Variants in MED26 observed in about 807,000 individuals in gnomAD.
MED26 encodes the protein mediator of RNA polymerase II transcription subunit 26.
In MED26, 7 loss-of-function variants were observed where a neutral mutation model predicts 43.7. That is an observed-to-expected ratio of 0.16 (90% CI 0.09 to 0.30). MED26 has a LOEUF of 0.30. Ranked by LOEUF, MED26 falls within the 10% of genes least tolerant of loss-of-function variation. The pLI is 1.00. For synonymous variants in MED26, 375 were observed against 371.1 expected (o/e 1.01, Z -0.12); for missense variants, 784 against 840.6 (o/e 0.93, Z 0.83).
In MED26 at chr19:16,576,712, G is replaced by A. The variant is rs777654136; in HGVS notation, c.1118C>T (p.Ser373Phe). Residue 373 changes from serine to phenylalanine, a missense_variant, in exon 3 of 3, where the codon TCC (serine) becomes TTC (phenylalanine). Transcript: ENST00000263390. The surrounding 1 kb of genome is among the most constrained non-coding windows in gnomAD (Gnocchi z 6.8). ...AEPLLSRAGF[S>F]PDSSKADSDA... ...ACTGTCCGCCTTGGAGGAGTCTGGG[G>A]AAAAGCCTGCCCGGGACAGGAGGGG... 9 of 1,612,818 alleles carry A rather than the reference G, an allele frequency of 5.6e-6. No individual in the cohort carries two copies. In the Admixed American group the frequency reaches 1.2e-4, roughly 21 times the overall value.
intron 1 of MED26, among the ~76,000 whole-genome samples, chr19:16,609,941 T>TAAAAAAAAAAAAAAAAAAAAAAAAAAAAA (rs869040520): frequency 1.2e-5 from 1 of 84,672 alleles, no homozygotes; most frequent in African/African-American, 4.7e-5. Flanking sequence ...AAGCACTCTT[T>TAAAAAAAAAAAAAAAAAAAAAAAAAAAAA]AAAAAAAAAA....
At position 16,576,259 on chromosome 19, in the gene MED26, C is replaced by T. The variant is rs746368183; in HGVS notation, c.1571G>A (p.Gly524Glu). ...YLKQEESTRQ[G>E]ARQLHVLVPQ... Reference sequence around the variant, plus strand: ...CACCAGCACATGCAGCTGCCTGGCCCCTTGCCGGGTGCTCTCCTCCTGCTT... The same window carrying T: ...CACCAGCACATGCAGCTGCCTGGCCTCTTGCCGGGTGCTCTCCTCCTGCTT... Residue 524 changes from glycine (G) to glutamate (E), a missense_variant, in exon 3 of 3, where the codon GGG becomes GAG. Physicochemically the swap from Gly to Glu is moderately conservative, Grantham distance 98 (BLOSUM62 -2). Coordinates refer to ENST00000263390, the MANE Select transcript of MED26 (RefSeq NM_004831.5). This position sits in a 1 kb window ranked among gnomAD's most constrained non-coding sequence, Gnocchi z 6.8. The T allele has an allele frequency of 1.9e-6, 3 of 1,611,322 alleles. No homozygotes were observed. The South Asian group carries it at 3.3e-5, about 18-fold the overall frequency.
intron 1 of MED26, among the ~76,000 whole-genome samples, chr19:16,602,551 C>G (rs1224124322): frequency 1.3e-5 from 2 of 152,244 alleles, no homozygotes; most frequent in East Asian, 3.8e-4. Context: ...CCCATGTCCA[C>G]AGCAGCATTA....
At chr19:16,625,548 T>C (rs1451965539) in intron 1 of MED26, among the ~76,000 whole-genome samples, 5 of 151,198 alleles carry the variant, frequency 3.3e-5, no homozygotes, top group Non-Finnish European at 7.4e-5. Context: ...CCCCGTTTTT[T>C]TTTTTTTCAT....
intron 1 of MED26, among the ~76,000 whole-genome samples, chr19:16,613,300 T>C (rs184337131): frequency 5.9e-4 from 90 of 152,276 alleles, no homozygotes; most frequent in Non-Finnish European, 1.1e-3. Flanking sequence ...TTGTTAAACC[T>C]ATTCATCAAC....
At chr19:16,609,101 G>C (rs567170095) in intron 1 of MED26, among the ~76,000 whole-genome samples, 1 of 152,108 alleles carries the variant, frequency 6.6e-6, no homozygotes, top group South Asian at 2.1e-4. Flanking sequence ...GGTCACTTGA[G>C]GCCAGGAGTT....
At chr19:16,626,005 T>C (rs1256737466) in intron 1 of MED26, among the ~76,000 whole-genome samples, 3 of 152,202 alleles carry the variant, frequency 2.0e-5, no homozygotes, top group East Asian at 1.9e-4. Context: ...GGGACCTATA[T>C]AGCATTTCTG....
intron 1 of MED26, among the ~76,000 whole-genome samples, chr19:16,619,515 T>C (rs1395351599): frequency 6.6e-6 from 1 of 152,234 alleles, no homozygotes; most frequent in Non-Finnish European, 1.5e-5. Context: ...AAACCCAGTG[T>C]GTGCAGGGGG....
At chr19:16,605,015 G>A (rs1263764017) in intron 1 of MED26, among the ~76,000 whole-genome samples, 7 of 152,210 alleles carry the variant, frequency 4.6e-5, no homozygotes, top group African/African-American at 7.2e-5. Context: ...TGCCGGTGGC[G>A]GGGTGAACTG....
rs148010367 is a variant in MED26, at chr19:16,619,584, G to A, written c.72+8288C>T. 5.4e-4 allele frequency among the ~76,000 whole-genome samples: 82 copies of A among 152,278 alleles called. 1 individual carries two copies. The highest frequency in any genetic ancestry group is 1.9e-3 in the African/African-American group (78 of 41,560). On this transcript the variant is annotated intron_variant, in intron 1 of 2. Transcript: ENST00000263390. ...GTGGGAAACAGAAGAGTGCACTACCGTGCTGAAGGCACAAGCAGGCAGTGG... is the reference window on the plus strand; with the variant it reads ...GTGGGAAACAGAAGAGTGCACTACCATGCTGAAGGCACAAGCAGGCAGTGG...
intron 1 of MED26, among the ~76,000 whole-genome samples, chr19:16,612,966 A>T (rs2086206210): frequency 6.6e-6 from 1 of 152,082 alleles, no homozygotes; most frequent in African/African-American, 2.4e-5. Context: ...GTATCTACAA[A>T]CTCATCTAGG....
intron 1 of MED26, among the ~76,000 whole-genome samples, chr19:16,585,270 G>A (rs1047679321): frequency 6.6e-6 from 1 of 152,132 alleles, no homozygotes; most frequent in Admixed American, 6.5e-5. Context: ...CTCTTCTAAA[G>A]GAAACCACAG....
chr19:16,601,563 G>A (rs1175601017), intron 1 of MED26, among the ~76,000 whole-genome samples: 1 of 152,246 alleles, frequency 6.6e-6, no homozygotes, highest in African/African-American at 2.4e-5. Context: ...GAGCAGACAT[G>A]TGATGAGAGA....
chr19:16,577,140 G>C lies in MED26; in HGVS notation c.690C>G (p.Thr230=), dbSNP rs2122373287. ...KIPVNAVRPH[T]SSPGLGKPPG... is the part of the protein sequence containing the mutation. ...GGGGCTTGCCCAGGCCCGGGGAGCTGGTGTGCGGTCGCACGGCGTTGACGG... is the reference window on the plus strand; with the variant it reads ...GGGGCTTGCCCAGGCCCGGGGAGCTCGTGTGCGGTCGCACGGCGTTGACGG... The change falls in exon 3 of 3, where the codon ACC becomes ACG. Residue 230 remains threonine (T), a synonymous_variant. Transcript: ENST00000263390. The surrounding 1 kb of genome is among the most constrained non-coding windows in gnomAD (Gnocchi z 8.1). 1 of 1,613,312 alleles carries C rather than the reference G, an allele frequency of 6.2e-7. No homozygotes were observed. The highest frequency in any genetic ancestry group is 1.1e-5 in the South Asian group (1 of 91,082).
In MED26 at chr19:16,577,179, G is replaced by C; in HGVS notation, c.651C>G (p.His217Gln). 6.2e-7 allele frequency: 1 copy of C among 1,613,390 alleles called. No homozygotes were observed. Among genetic ancestry groups the C allele is most frequent in the Non-Finnish European group, 8.5e-7 (1 of 1,179,954 alleles). ...SRLERDENDK[H>Q]SGKIPVNAVR... is the part of the protein sequence containing the mutation. ...CGGCGTTGACGGGGATCTTGCCACTGTGCTTGTCATTCTCGTCACGCTCCA... is the reference window on the plus strand; with the variant it reads ...CGGCGTTGACGGGGATCTTGCCACTCTGCTTGTCATTCTCGTCACGCTCCA... Residue 217 changes from histidine to glutamine, a missense_variant, in exon 3 of 3, where the codon CAC becomes CAG. Coordinates refer to ENST00000263390, the MANE Select transcript of MED26 (RefSeq NM_004831.5). The surrounding 1 kb of genome is among the most constrained non-coding windows in gnomAD (Gnocchi z 8.1).
Position 16,576,769 on chromosome 19 carries a change from G to C in MED26, c.1061C>G (p.Pro354Arg). The stretch of plus-strand genomic sequence containing the variant: ...TGGGGACAGCCCTGCCTTGCAGCCC[G>C]GCCCCGCCAGCCGCTGGTGGCTCTC... ...QPESHQRLAG[P>R]GCKAGLSPAE... Residue 354 changes from proline to arginine, a missense_variant, in exon 3 of 3, where the codon CCG becomes CGG. This residue lies in a region of MED26 where 719 missense variants were observed against 730.9 expected (regional missense o/e 0.98). Transcript: ENST00000263390. The surrounding 1 kb of genome is among the most constrained non-coding windows in gnomAD (Gnocchi z 6.8). 3 of 1,605,622 alleles carry C rather than the reference G, an allele frequency of 1.9e-6. No individual in the cohort carries two copies. The highest frequency in any genetic ancestry group is 2.2e-5 in the South Asian group (2 of 90,824).
intron 1 of MED26, among the ~76,000 whole-genome samples, chr19:16,626,096 A>G (rs2086273641): frequency 6.6e-6 from 1 of 152,146 alleles, no homozygotes; most frequent in African/African-American, 2.4e-5. Flanking sequence ...TTAGAACCCT[A>G]TACAATACTG....
At position 16,577,964 on chromosome 19, in the gene MED26, G is replaced by A; in HGVS notation, c.148-282C>T. 1.0e-5 allele frequency: 5 copies of A among 480,196 alleles called. No homozygotes were observed. Among genetic ancestry groups the A allele is most frequent in the Non-Finnish European group, 1.8e-5 (5 of 271,940 alleles). The allele number at this position is 480,196 out of a possible 1,614,324, so 29.7% of individuals were successfully genotyped here. A position where few individuals can be genotyped will look rare whatever the true frequency, so the allele number is the denominator to read the frequency against. On this transcript the variant is annotated intron_variant, in intron 2 of 2. Transcript: ENST00000263390. This position sits in a 1 kb window ranked among gnomAD's most constrained non-coding sequence, Gnocchi z 8.1. ...GGGGCTGTGGACCATCAAGGCCACT[G>A]TAAGGACACTGCCAGAGAGGCTTCC...
At chr19:16,603,572 A>G (rs2086159502) in intron 1 of MED26, among the ~76,000 whole-genome samples, 1 of 152,120 alleles carries the variant, frequency 6.6e-6, no homozygotes, top group Non-Finnish European at 1.5e-5. Context: ...GAGCTATGGG[A>G]AGATCCTGGG....
Sources: allele counts gnomAD v4.1 joint callset (sites outside exome capture counted in the v4.1 genomes callset), GRCh38; gene constraint gnomAD v4.1.1; regional missense constraint gnomAD v4.1.1; non-coding constraint Gnocchi (gnomAD v3.1); transcripts MANE v1.5; gene names NCBI Gene and HGNC (gene_info 2026-07-23, HGNC 2026-07-21).